The following CMIP variants were observed in gnomAD, a reference collection of about 807,000 sequenced individuals.
CMIP encodes the protein C-Maf-inducing protein.
A neutral mutation model predicts 97.3 loss-of-function variants in CMIP; 13 were observed. The observed-to-expected ratio is 0.13, with a 90% CI of 0.09 to 0.21. The LOEUF is 0.21. Ranked by LOEUF, CMIP falls within the 10% of genes least tolerant of loss-of-function variation. CMIP has a pLI of 1.00. For missense variants in CMIP, 847 were observed against 1,024.9 expected (o/e 0.83, Z 2.37); for synonymous variants, 538 against 436.3 (o/e 1.23, Z -2.91).
intron 11 of CMIP, 76 bp downstream of exon 11, chr16:81,691,916 G>T (rs777616784): frequency 1.8e-5 from 23 of 1,279,212 alleles, no homozygotes; most frequent in Non-Finnish European, 2.5e-5. Flanking sequence ...CCTTAGTGGG[G>T]GGCCAGTCAT....
chr16:81,518,339 G>A (rs1014871290), intron 1 of CMIP: 2 of 152,248 alleles, frequency 1.3e-5, no homozygotes, highest in Non-Finnish European at 1.5e-5. Flanking sequence ...GAGGGATGTC[G>A]GGACCGTGAA....
chr16:81,619,626 G>C (rs559039307), intron 2 of CMIP: 1 of 152,366 alleles, frequency 6.6e-6, no homozygotes, highest in Non-Finnish European at 1.5e-5. Flanking sequence ...GCTGCACTTC[G>C]GCCCAGCCTG....
chr16:81,662,746 G>A (rs1444934215), intron 6 of CMIP, among the ~76,000 whole-genome samples: 3 of 152,214 alleles, frequency 2.0e-5, no homozygotes. Context: ...GCTGGGCCTT[G>A]TCCTCACAGC....
intron 1 of CMIP, among the ~76,000 whole-genome samples, chr16:81,580,512 C>A (rs868136716): frequency 1.3e-5 from 2 of 151,132 alleles, no homozygotes; most frequent in Non-Finnish European, 2.9e-5. Flanking sequence ...CGGCTCACTG[C>A]AACCTCTGCA....
Position 81,678,457 on chromosome 16 carries a change from T to G in CMIP, c.1217T>G (p.Val406Gly). ...VVASSEIHVE[V>G]ERTSTAKPAL... is the part of the protein sequence containing the mutation. ...GCCTCCAGTGAGATCCACGTGGAGG[T>G]GGAACGCACCAGCACTGCCAAGCCG... Residue 406 changes from valine to glycine, a missense_variant, in exon 10 of 21, where the codon GTG (valine) becomes GGG (glycine). Val to Gly is a moderately radical substitution (Grantham distance 109). Transcript: ENST00000537098. 6.3e-7 allele frequency: 1 copy of G among 1,590,410 alleles called. No homozygotes were observed. The highest frequency in any genetic ancestry group is 8.6e-7 in the Non-Finnish European group (1 of 1,169,540).
chr16:81,678,399 C>T lies in CMIP; in HGVS notation c.1159C>T (p.Leu387=). Residue 387 remains leucine (L), a synonymous_variant, in exon 10 of 21, where the codon CTG becomes TTG. Coordinates refer to ENST00000537098, the MANE Select transcript of CMIP (RefSeq NM_198390.3). ...GGACCTGGTGTCTCAGGAAGCCACG[C>T]TGTCTGAGGCCCGGCTCAAGTCGGT... ...SPDLVSQEAT[L]SEARLKSVVV... The T allele has an allele frequency of 6.2e-7, 1 of 1,606,836 alleles. No homozygotes were observed. Among genetic ancestry groups the T allele is most frequent in the Non-Finnish European group, 8.5e-7 (1 of 1,177,048 alleles).
intron 1 of CMIP, among the ~76,000 whole-genome samples, chr16:81,511,435 C>CT (rs902298541): frequency 6.6e-6 from 1 of 152,216 alleles, no homozygotes; most frequent in Non-Finnish European, 1.5e-5. Flanking sequence ...TTTACAATCT[C>CT]TTTAAGTTAG....
rs573517656 is a variant in CMIP at position 81,613,326 on chromosome 16, C to T, written c.426+5634C>T. Among the ~76,000 whole-genome samples the T allele has an allele frequency of 2.8e-5, 4 of 141,582 alleles. No individual in the cohort carries two copies. In the South Asian group the frequency reaches 8.7e-4, roughly 31 times the overall value. 92.9% of individuals were successfully genotyped at this position (141,582 alleles called of 152,430 possible). A position where few individuals can be genotyped will look rare whatever the true frequency, so the allele number is the denominator to read the frequency against. ...CCCAAGTCCTGGGAATCCAGAGGAG[C>T]TCAGATGCATTGCTTCATGTTCCAG... On this transcript the variant is annotated intron_variant, in intron 2 of 20. Transcript: ENST00000537098.
intron 4 of CMIP, among the ~76,000 whole-genome samples, chr16:81,656,079 C>T (rs1305813489): frequency 6.6e-6 from 1 of 152,168 alleles, no homozygotes; most frequent in Non-Finnish European, 1.5e-5. Context: ...TGTTCAGATC[C>T]AAAAAACATC....
At chr16:81,600,775 C>T (rs1213410491) in intron 1 of CMIP, among the ~76,000 whole-genome samples, 3 of 152,182 alleles carry the variant, frequency 2.0e-5, no homozygotes, top group Non-Finnish European at 4.4e-5. Context: ...GAAATGCAGC[C>T]AGGGGAGGTG....
At chr16:81,673,897 G>C (rs750619368) in intron 9 of CMIP, among the ~76,000 whole-genome samples, 8 of 152,212 alleles carry the variant, frequency 5.3e-5, no homozygotes, top group Non-Finnish European at 1.0e-4. Flanking sequence ...ACCAGAGCTG[G>C]GGATACAGCA....
At position 81,449,959 on chromosome 16, in the gene CMIP, C is replaced by G. The variant is rs147015672; in HGVS notation, c.300+4418C>G. On this transcript the variant is annotated intron_variant, in intron 1 of 20. Transcript: ENST00000537098. ...ATGCCAGTCCAGGTGGAAGGAATTT[C>G]ACTGCATGTGGCTGAGCTTTCCTGC... 3.6e-3 allele frequency among the ~76,000 whole-genome samples: 553 copies of G among 152,344 alleles called. 8 individuals are homozygous for G. The highest frequency in any genetic ancestry group is 6.9e-3 in the East Asian group (36 of 5,188).
chr16:81,654,062 A>G (rs1372938594), intron 4 of CMIP, among the ~76,000 whole-genome samples: 2 of 152,164 alleles, frequency 1.3e-5, no homozygotes, highest in African/African-American at 4.8e-5. Context: ...CAACTTGGCC[A>G]CCACTTCAGC....
chr16:81,559,624 C>T (rs1291397131), intron 1 of CMIP, among the ~76,000 whole-genome samples: 2 of 151,950 alleles, frequency 1.3e-5, no homozygotes, highest in Admixed American at 6.6e-5. Context: ...ATGCATTGCT[C>T]AGGTGTTGGT....
chr16:81,618,108 C>G (rs2091945099), intron 2 of CMIP, among the ~76,000 whole-genome samples: 7 of 152,196 alleles, frequency 4.6e-5, no homozygotes. Context: ...TTTCCTATTG[C>G]TGCTGTGACT....
chr16:81,590,248 C>T (rs780963781), intron 1 of CMIP, among the ~76,000 whole-genome samples: 30 of 122,808 alleles, frequency 2.4e-4, no homozygotes, highest in Non-Finnish European at 4.9e-4. Context: ...CCTCCCATTC[C>T]TTCCCTACCT....
At chr16:81,520,159 G>GTA (rs1339590891) in intron 1 of CMIP, 1 of 152,296 alleles carries the variant, frequency 6.6e-6, no homozygotes, top group Non-Finnish European at 1.5e-5. Context: ...TCAAGAAGCG[G>GTA]TATAGCAAAG....
chr16:81,577,346 C>T (rs1158932053), intron 1 of CMIP, among the ~76,000 whole-genome samples: 3 of 150,106 alleles, frequency 2.0e-5, no homozygotes, highest in African/African-American at 4.9e-5. Context: ...CCATCACCAT[C>T]ATCACCATCA....
At chr16:81,473,672 A>G (rs1403602306) in intron 1 of CMIP, among the ~76,000 whole-genome samples, 3 of 151,980 alleles carry the variant, frequency 2.0e-5, no homozygotes, top group Non-Finnish European at 4.4e-5. Flanking sequence ...AATCTCACTC[A>G]TGATTTTCGA....
Sources: allele counts gnomAD v4.1 joint callset (sites outside exome capture counted in the v4.1 genomes callset), GRCh38; gene constraint gnomAD v4.1.1; transcripts MANE v1.5; gene names NCBI Gene and HGNC (gene_info 2026-07-23, HGNC 2026-07-21).